Variants in ALPK2 observed in about 807,000 individuals in gnomAD.
ALPK2 encodes alpha-protein kinase 2.
A neutral mutation model predicts 163.1 loss-of-function variants in ALPK2; 127 were observed. The ratio of observed to expected loss-of-function variants is 0.78; its 90% CI spans 0.67 to 0.90. The LOEUF (loss-of-function observed/expected upper bound fraction) is 0.90, where lower values mean the gene tolerates loss of function less well. Among genes scored for constraint, ALPK2 ranks in the 40% least tolerant of loss-of-function variants. ALPK2 has a pLI of 0.00. For synonymous variants in ALPK2, 953 were observed against 959.1 expected (o/e 0.99, Z 0.12); for missense variants, 2,360 against 2,589.6 (o/e 0.91, Z 1.92).
chr18:58,537,513 T>C lies in ALPK2; in HGVS notation c.2674A>G (p.Ser892Gly), dbSNP rs770352204. Reference sequence around the variant, plus strand: ...TGTGAAATGTTCAAGGTGAAAGTACTGGTAAAAAGAGGGGACATGACTGAG... The same window carrying C: ...TGTGAAATGTTCAAGGTGAAAGTACCGGTAAAAAGAGGGGACATGACTGAG... Reference protein sequence around the residue: ...GNSVMSPLFTSTFTLNISHTA... With the variant: ...GNSVMSPLFTGTFTLNISHTA... Residue 892 changes from serine (S) to glycine (G), a missense_variant, in exon 5 of 13, where the codon AGT becomes GGT. By Grantham distance (56) the Ser-to-Gly change is moderately conservative. Transcript: ENST00000361673. The C allele has an allele frequency of 1.2e-5, 20 of 1,612,988 alleles. No homozygotes were observed. Among genetic ancestry groups the C allele is most frequent in the Non-Finnish European group, 1.6e-5 (19 of 1,179,090 alleles).
At chr18:58,514,750 C>T (rs1239986128) in intron 10 of ALPK2, among the ~76,000 whole-genome samples, 2 of 151,192 alleles carry the variant, frequency 1.3e-5, no homozygotes, top group African/African-American at 4.8e-5. Context: ...ACCCATCCAT[C>T]CATCCATTCA....
intron 4 of ALPK2, among the ~76,000 whole-genome samples, chr18:58,539,792 T>C (rs2051681040): frequency 6.6e-6 from 1 of 152,208 alleles, no homozygotes; most frequent in African/African-American, 2.4e-5. Context: ...TCTTACTACC[T>C]TGTGGTCAAT....
At chr18:58,608,458 A>G (rs2052109661) in intron 2 of ALPK2, among the ~76,000 whole-genome samples, 1 of 152,192 alleles carries the variant, frequency 6.6e-6, no homozygotes, top group African/African-American at 2.4e-5. Flanking sequence ...GAAGGTTTCC[A>G]TTGTGTTCCA....
intron 12 of ALPK2, among the ~76,000 whole-genome samples, chr18:58,496,770 A>C (rs2051403234): frequency 6.6e-6 from 1 of 152,078 alleles, no homozygotes; most frequent in Non-Finnish European, 1.5e-5. Context: ...CCCTGGAGAG[A>C]CTTTACTCCT....
chr18:58,515,397 G>A (rs569430402), intron 9 of ALPK2, among the ~76,000 whole-genome samples: 32 of 152,370 alleles, frequency 2.1e-4, no homozygotes, highest in African/African-American at 7.0e-4. Context: ...CCCTCATCAC[G>A]TCATCAGGTG....
At chr18:58,606,422 C>A (rs1284168443) in intron 3 of ALPK2, among the ~76,000 whole-genome samples, 1 of 152,192 alleles carries the variant, frequency 6.6e-6, no homozygotes, top group African/African-American at 2.4e-5. Flanking sequence ...GATAAGAAAG[C>A]TTTTGTGTTT....
chr18:58,578,734 A>ACACACACACACGCGCGCGCG, intron 4 of ALPK2, 80 bp downstream of exon 4: 1 of 396,572 alleles, frequency 2.5e-6, no homozygotes, highest in Non-Finnish European at 4.1e-6. Flanking sequence ...AAAGGAAGAG[A>ACACACACACACGCGCGCGCG]CACACACACA....
chr18:58,525,619 G>A (rs971590527), intron 6 of ALPK2, among the ~76,000 whole-genome samples: 3 of 152,184 alleles, frequency 2.0e-5, no homozygotes, highest in Non-Finnish European at 4.4e-5. Flanking sequence ...ACATGTAGGA[G>A]TCAGAAAGGT....
intron 9 of ALPK2, 144 bp downstream of exon 9, chr18:58,516,764 A>G: frequency 3.0e-6 from 3 of 1,008,304 alleles, no homozygotes; most frequent in East Asian, 4.9e-5. Context: ...AGTGATCCCC[A>G]GCATTGAGAT....
At chr18:58,556,607 T>G (rs2144171083) in intron 4 of ALPK2, among the ~76,000 whole-genome samples, 1 of 152,294 alleles carries the variant, frequency 6.6e-6, no homozygotes, top group East Asian at 1.9e-4. Context: ...GGGGCATATT[T>G]AATCCTTTCT....
intron 2 of ALPK2, among the ~76,000 whole-genome samples, chr18:58,610,772 CT>C (rs2052124473): frequency 6.6e-6 from 1 of 151,280 alleles, no homozygotes; most frequent in South Asian, 2.1e-4. Flanking sequence ...AACCACCCCC[CT>C]CCCCCCGTCC....
intron 11 of ALPK2, among the ~76,000 whole-genome samples, chr18:58,500,838 G>A (rs1424030734): frequency 6.6e-6 from 1 of 151,790 alleles, no homozygotes; most frequent in East Asian, 1.9e-4. Flanking sequence ...TTGGGTGACA[G>A]CTTGTTAGAA....
At chr18:58,515,527 G>A (rs1358729305) in intron 9 of ALPK2, among the ~76,000 whole-genome samples, 1 of 152,202 alleles carries the variant, frequency 6.6e-6, no homozygotes, top group African/African-American at 2.4e-5. Flanking sequence ...AAGCTAAGTG[G>A]ATTCTGCATC....
intron 10 of ALPK2, chr18:58,512,390 C>T (rs2051494631): frequency 6.6e-6 from 1 of 152,190 alleles, no homozygotes; most frequent in Non-Finnish European, 1.5e-5. Context: ...GTTTTATCTC[C>T]AAGACCTCAC....
At chr18:58,542,189 A>G (rs1216972665) in intron 4 of ALPK2, among the ~76,000 whole-genome samples, 1 of 152,252 alleles carries the variant, frequency 6.6e-6, no homozygotes, top group Non-Finnish European at 1.5e-5. Flanking sequence ...TATAGCATGC[A>G]TGACCACGGG....
chr18:58,609,249 T>G (rs1286624794), intron 2 of ALPK2, among the ~76,000 whole-genome samples: 1 of 152,204 alleles, frequency 6.6e-6, no homozygotes, highest in Non-Finnish European at 1.5e-5. Context: ...CAGATAGACC[T>G]GCATGCAAGG....
intron 12 of ALPK2, among the ~76,000 whole-genome samples, chr18:58,486,610 C>T (rs963653498): frequency 1.3e-5 from 2 of 152,190 alleles, no homozygotes; most frequent in African/African-American, 4.8e-5. Flanking sequence ...CTCTAATTTT[C>T]GACCCTCAAC....
At chr18:58,554,491 G>A (rs2051778738) in intron 4 of ALPK2, among the ~76,000 whole-genome samples, 2 of 152,158 alleles carry the variant, frequency 1.3e-5, no homozygotes, top group South Asian at 2.1e-4. Context: ...CAGTAGCATC[G>A]CGGAGTGGGC....
At chr18:58,516,494 A>G (rs1283504003) in intron 9 of ALPK2, among the ~76,000 whole-genome samples, 3 of 152,156 alleles carry the variant, frequency 2.0e-5, no homozygotes, top group Non-Finnish European at 4.4e-5. Context: ...CCTCTCCACA[A>G]AACAAAACCA....
Sources: gnomAD v4.1 joint callset for allele counts (sites outside exome capture counted in the v4.1 genomes callset) on GRCh38, gnomAD v4.1.1 for gene constraint, MANE v1.5 for transcripts, NCBI Gene and HGNC (gene_info 2026-07-23, HGNC 2026-07-21) for gene names.